The following WWC1 variants were observed in gnomAD, a reference collection of about 807,000 sequenced individuals.
WWC1 encodes protein KIBRA.
In WWC1, 55 loss-of-function variants were observed where a neutral mutation model predicts 138.4. That is an observed-to-expected ratio of 0.40 (90% CI 0.32 to 0.50). The LOEUF (loss-of-function observed/expected upper bound fraction) is 0.50, where lower values mean the gene tolerates loss of function less well. WWC1 is among the 20% of genes least tolerant of loss of function. The pLI is 0.72. For missense variants in WWC1, 1,226 were observed against 1,420.4 expected (o/e 0.86, Z 2.20); for synonymous variants, 524 against 564.9 (o/e 0.93, Z 1.03).
At chr5:168,326,834 G>A (rs145038408) in intron 1 of WWC1, among the ~76,000 whole-genome samples, 45 of 152,304 alleles carry the variant, frequency 3.0e-4, no homozygotes, top group Non-Finnish European at 5.1e-4. Context: ...CACCGTGCCC[G>A]GCCGGACCGG....
chr5:168,449,806 C>A (rs185274051), intron 17 of WWC1, among the ~76,000 whole-genome samples: 1 of 151,928 alleles, frequency 6.6e-6, no homozygotes, highest in African/African-American at 2.4e-5. Context: ...AACTCCCGAC[C>A]TCAGGTGATC....
rs887330110 is a variant in WWC1 at position 168,366,075 on chromosome 5, A to G, written c.120-5349A>G. Among the ~76,000 whole-genome samples the G allele has an allele frequency of 3.3e-5, 5 of 152,188 alleles. 1 individual carries two copies. The East Asian group carries it at 9.7e-4, about 29-fold the overall frequency. On this transcript the variant is annotated intron_variant, in intron 1 of 22. Transcript: ENST00000265293. ...AGGTTGCATCCTTAGCACTTGCCCA[A>G]GGTGAAACATTTCAGGCCAGTGGAG... is the stretch of plus-strand genomic sequence containing the variant.
chr5:168,419,039 A>G (rs1028383331), intron 9 of WWC1, among the ~76,000 whole-genome samples: 3 of 152,164 alleles, frequency 2.0e-5, no homozygotes, highest in Non-Finnish European at 4.4e-5. Context: ...TCCAGTAACA[A>G]GCCCGACCCA....
At chr5:168,351,201 G>C (rs1774928782) in intron 1 of WWC1, among the ~76,000 whole-genome samples, 1 of 152,026 alleles carries the variant, frequency 6.6e-6, no homozygotes, top group Non-Finnish European at 1.5e-5. Context: ...TGAGCCTAGG[G>C]TCCAATCTCT....
chr5:168,388,131 A>G (rs1365173798), intron 3 of WWC1, among the ~76,000 whole-genome samples: 8 of 152,204 alleles, frequency 5.3e-5, no homozygotes, highest in Admixed American at 5.2e-4. Flanking sequence ...TAAAATTAGC[A>G]TGACCAATAA....
rs575970104 is a variant in WWC1, at chr5:168,311,959, G to C, written c.119+19688G>C. Among the ~76,000 whole-genome samples, 8 of 152,122 alleles carry C rather than the reference G, an allele frequency of 5.3e-5. No homozygotes were observed. The South Asian group carries it at 1.7e-3, about 32-fold the overall frequency. On this transcript the variant is annotated intron_variant, in intron 1 of 22. Transcript: ENST00000265293. ...AGCTACTCAGAAGGCTGAAGCAGGA[G>C]AATCTCTTGAACCTGGGAGGCAGAG...
At chr5:168,398,840 C>T (rs1779105061) in intron 4 of WWC1, among the ~76,000 whole-genome samples, 1 of 152,188 alleles carries the variant, frequency 6.6e-6, no homozygotes, top group South Asian at 2.1e-4. Flanking sequence ...CCAGCCCATG[C>T]TGGAATGTGG....
rs564012503 is a variant in WWC1 at position 168,355,979 on chromosome 5, G to A, written c.120-15445G>A. Among the ~76,000 whole-genome samples the A allele has an allele frequency of 7.9e-5, 12 of 152,176 alleles. No individual in the cohort carries two copies. In the East Asian group the frequency reaches 2.3e-3, roughly 29 times the overall value. ...GAGATGTCAGTGATTCTCTTGGGGG[G>A]GCTGTGATGAGAACAAGCTATTGTG... On this transcript the variant is annotated intron_variant, in intron 1 of 22. Transcript: ENST00000265293.
At chr5:168,444,415 C>A in intron 16 of WWC1, 79 bp from the exon 17 acceptor site, 1 of 1,397,826 alleles carries the variant, frequency 7.2e-7, no homozygotes, top group Non-Finnish European at 9.8e-7. Context: ...AGGGTCACAG[C>A]TCTGAGATGC....
At chr5:168,431,504 G>A in intron 15 of WWC1, 60 bp downstream of exon 15, 1 of 1,460,826 alleles carries the variant, frequency 6.8e-7, no homozygotes, top group Non-Finnish European at 9.2e-7. Context: ...CTGGCTGGCT[G>A]ACCGGCCTTC....
At chr5:168,397,147 C>CTT (rs551091855) in intron 3 of WWC1, among the ~76,000 whole-genome samples, 3 of 143,462 alleles carry the variant, frequency 2.1e-5, no homozygotes, top group Non-Finnish European at 3.1e-5. Flanking sequence ...TTAAATTATT[C>CTT]TTTTTTTTTT....
In WWC1 at chr5:168,404,976, C is replaced by A. The variant is rs17070125; in HGVS notation, c.591-1222C>A. On this transcript the variant is annotated intron_variant, in intron 5 of 22. Coordinates refer to ENST00000265293, the MANE Select transcript of WWC1 (RefSeq NM_015238.3). ...GCCAATAAGCTCTCCAGACTAGAAG[C>A]GTTTTAATCCCTTATGTTTGTACAG... 9.7e-3 allele frequency among the ~76,000 whole-genome samples: 1,476 copies of A among 151,532 alleles called. 25 individuals carry two copies. Among genetic ancestry groups the A allele is most frequent in the African/African-American group, 0.034 (1,394 of 41,258 alleles).
At chr5:168,386,683 C>T (rs1778075506) in intron 3 of WWC1, among the ~76,000 whole-genome samples, 1 of 148,512 alleles carries the variant, frequency 6.7e-6, no homozygotes, top group Non-Finnish European at 1.5e-5. Flanking sequence ...GCATGAGCCA[C>T]CGTGCCCTCG....
intron 1 of WWC1, among the ~76,000 whole-genome samples, chr5:168,336,388 T>C (rs1033375641): frequency 1.3e-5 from 2 of 152,030 alleles, no homozygotes; most frequent in Non-Finnish European, 2.9e-5. Flanking sequence ...CTGGTCAATG[T>C]GGTGAAACCC....
chr5:168,350,048 A>C (rs1774816008), intron 1 of WWC1, among the ~76,000 whole-genome samples: 1 of 152,166 alleles, frequency 6.6e-6, no homozygotes, highest in Non-Finnish European at 1.5e-5. Flanking sequence ...AAAAGCTCTC[A>C]GCTAAATTGG....
chr5:168,355,418 C>G (rs1304253508), intron 1 of WWC1, among the ~76,000 whole-genome samples: 1 of 147,028 alleles, frequency 6.8e-6, no homozygotes, highest in Non-Finnish European at 1.5e-5. Flanking sequence ...CTCTTGAACC[C>G]GGGAGGTAAA....
At chr5:168,390,087 T>C (rs1408199577) in intron 3 of WWC1, among the ~76,000 whole-genome samples, 1 of 152,226 alleles carries the variant, frequency 6.6e-6, no homozygotes, top group East Asian at 1.9e-4. Context: ...ATCCAGGATA[T>C]GCAGATTACT....
intron 1 of WWC1, among the ~76,000 whole-genome samples, chr5:168,340,486 C>T (rs752123849): frequency 2.7e-4 from 41 of 151,416 alleles, no homozygotes; most frequent in Non-Finnish European, 5.4e-4. Context: ...AGTCATCCCC[C>T]AATCTTCACT....
intron 1 of WWC1, among the ~76,000 whole-genome samples, chr5:168,366,574 A>G (rs989342726): frequency 3.3e-5 from 5 of 152,182 alleles, no homozygotes; most frequent in Non-Finnish European, 7.3e-5. Flanking sequence ...TGGAATCAGC[A>G]TTGTGTCCTG....
Sources: allele counts gnomAD v4.1 joint callset (sites outside exome capture counted in the v4.1 genomes callset), GRCh38; gene constraint gnomAD v4.1.1; transcripts MANE v1.5; gene names NCBI Gene and HGNC (gene_info 2026-07-23, HGNC 2026-07-21).